Variants in EGFLAM observed in about 807,000 individuals in gnomAD.
The protein encoded by EGFLAM is EGF like, fibronectin type III and laminin G domains, also known as pikachurin.
A neutral mutation model predicts 113.1 loss-of-function variants in EGFLAM; 79 were observed. The observed-to-expected ratio is 0.70, with a 90% CI of 0.58 to 0.84. The LOEUF is 0.84. Among genes scored for constraint, EGFLAM ranks in the 40% least tolerant of loss-of-function variants. The pLI is 0.00. For synonymous variants in EGFLAM, 504 were observed against 487.6 expected, an observed-to-expected ratio of 1.03 and a Z score of -0.44; for missense variants, 1,265 against 1,291.6, an observed-to-expected ratio of 0.98 and a Z score of 0.32.
chr5:38,356,279 A>C (rs1441230327), intron 5 of EGFLAM, among the ~76,000 whole-genome samples: 1 of 152,196 alleles, frequency 6.6e-6, no homozygotes, highest in Non-Finnish European at 1.5e-5. Flanking sequence ...CTTCCAGAAT[A>C]TGTGACTTCA....
chr5:38,374,435 G>A (rs1579837181), intron 6 of EGFLAM, among the ~76,000 whole-genome samples: 1 of 152,208 alleles, frequency 6.6e-6, no homozygotes, highest in African/African-American at 2.4e-5. Flanking sequence ...GACTCCTAGG[G>A]GGTCGAAGTG....
At position 38,258,564 on chromosome 5, in the gene EGFLAM, C is replaced by A. The variant is rs534124185; in HGVS notation, c.-191C>A. On this transcript the variant is annotated 5_prime_UTR_variant, in exon 1 of 22. Transcript: ENST00000322350. ...TGCAGCTTGCAGCCGGCTTCACTCG[C>A]GCACGCCGACCTCCCGGCTGCAGTC... 1.6e-6 allele frequency: 1 copy of A among 628,780 alleles called. No individual in the cohort carries two copies. Among genetic ancestry groups the A allele is most frequent in the Non-Finnish European group, 2.8e-6 (1 of 358,508 alleles). The allele number at this position is 628,780 out of a possible 1,614,324, so 39.0% of individuals were successfully genotyped here. A position where few individuals can be genotyped will look rare whatever the true frequency, so the allele number is the denominator to read the frequency against.
intron 3 of EGFLAM, among the ~76,000 whole-genome samples, chr5:38,340,175 T>C (rs1190186740): frequency 6.6e-6 from 1 of 152,200 alleles, no homozygotes; most frequent in Non-Finnish European, 1.5e-5. Flanking sequence ...CACTGCTGTA[T>C]ATACCTAAAC....
chr5:38,462,842 A>G, intron 20 of EGFLAM, 66 bp from the exon 21 acceptor site: 1 of 1,538,112 alleles, frequency 6.5e-7, no homozygotes, highest in South Asian at 1.1e-5. Context: ...ATTGAAATGA[A>G]TGAATGATTG....
intron 6 of EGFLAM, chr5:38,403,996 T>C (rs1741198693): frequency 1.2e-6 from 2 of 1,600,762 alleles, no homozygotes; most frequent in East Asian, 4.5e-5. Flanking sequence ...GCCTCCCCTT[T>C]GTTATCCCAC....
chr5:38,410,774 G>A (rs891107256), intron 10 of EGFLAM, among the ~76,000 whole-genome samples: 16 of 152,272 alleles, frequency 1.1e-4, no homozygotes, highest in South Asian at 2.1e-4. Context: ...TGTGGACCTC[G>A]CCTGTATTGA....
intron 1 of EGFLAM, among the ~76,000 whole-genome samples, chr5:38,313,987 A>T (rs561952098): frequency 6.6e-5 from 10 of 152,334 alleles, no homozygotes; most frequent in African/African-American, 2.4e-4. Flanking sequence ...GAAACGTTTT[A>T]AAAAAATGTG....
intron 1 of EGFLAM, among the ~76,000 whole-genome samples, chr5:38,273,473 C>G (rs1470359118): frequency 1.3e-5 from 2 of 152,216 alleles, no homozygotes; most frequent in East Asian, 3.8e-4. Flanking sequence ...TGGGCATGCC[C>G]CAGTGCTGTA....
chr5:38,406,097 T>G (rs752482058), intron 6 of EGFLAM, 29 bp from the exon 7 acceptor site: 55 of 1,576,558 alleles, frequency 3.5e-5, no homozygotes, highest in Non-Finnish European at 4.5e-5. Flanking sequence ...CCTGTGCTGA[T>G]GAAGGGTGTG....
rs201460423 is a variant in EGFLAM at position 38,376,323 on chromosome 5, G to A, written c.712+5861G>A. 2.8e-4 allele frequency among the ~76,000 whole-genome samples: 43 copies of A among 152,218 alleles called. No homozygotes were observed. The East Asian group carries it at 3.9e-3, about 14-fold the overall frequency. Reference sequence around the variant, plus strand: ...TGCCTTTCTTCTTTTTTCCAAAAACGGGAATTTAATTAAAAATAAGTTACA... The same window carrying A: ...TGCCTTTCTTCTTTTTTCCAAAAACAGGAATTTAATTAAAAATAAGTTACA... On this transcript the variant is annotated intron_variant, in intron 6 of 21. Coordinates refer to ENST00000322350, the MANE Select transcript of EGFLAM (RefSeq NM_152403.4).
At chr5:38,397,438 C>A (rs1324546791) in intron 6 of EGFLAM, among the ~76,000 whole-genome samples, 1 of 152,142 alleles carries the variant, frequency 6.6e-6, no homozygotes. Flanking sequence ...TACTCAGTTG[C>A]AATTTTTTTT....
At chr5:38,438,181 A>G (rs1742412288) in intron 16 of EGFLAM, 94 bp from the exon 17 acceptor site, 1 of 1,363,330 alleles carries the variant, frequency 7.3e-7, no homozygotes, top group Non-Finnish European at 9.8e-7. Context: ...CAATCTCCCT[A>G]TGTGTAGCTC....
At chr5:38,371,557 TC>T (rs1447607667) in intron 6 of EGFLAM, among the ~76,000 whole-genome samples, 1 of 152,040 alleles carries the variant, frequency 6.6e-6, no homozygotes, top group Non-Finnish European at 1.5e-5. Flanking sequence ...TCGCCTTTTG[TC>T]AAATTAAATT....
intron 10 of EGFLAM, among the ~76,000 whole-genome samples, chr5:38,409,460 G>C (rs1271140422): frequency 6.6e-6 from 1 of 151,752 alleles, no homozygotes; most frequent in Admixed American, 6.6e-5. Flanking sequence ...CCTGGCTCTG[G>C]AGGTGCTGTT....
chr5:38,322,850 C>A (rs911708245), intron 1 of EGFLAM, among the ~76,000 whole-genome samples: 2 of 152,156 alleles, frequency 1.3e-5, no homozygotes, highest in African/African-American at 4.8e-5. Context: ...ACTCTTCCTG[C>A]TGCTCCTTAG....
chr5:38,425,488 A>G (rs1741973748), intron 13 of EGFLAM, among the ~76,000 whole-genome samples: 1 of 152,150 alleles, frequency 6.6e-6, no homozygotes, highest in South Asian at 2.1e-4. Flanking sequence ...CTTTTAACAA[A>G]TCTAACAAAG....
At chr5:38,274,568 GA>G (rs139985912) in intron 1 of EGFLAM, among the ~76,000 whole-genome samples, 5 of 151,954 alleles carry the variant, frequency 3.3e-5, no homozygotes, top group African/African-American at 1.2e-4. Flanking sequence ...TTTTGAAGGA[GA>G]AAAAACTGCC....
intron 1 of EGFLAM, among the ~76,000 whole-genome samples, chr5:38,308,227 A>C (rs16903930): frequency 0.093 from 14,234 of 152,314 alleles, 725 homozygotes; most frequent in South Asian, 0.14. Flanking sequence ...AGTTCTTGTT[A>C]ACATTTTAAA....
chr5:38,459,732 C>CT (rs1434424162), intron 20 of EGFLAM, among the ~76,000 whole-genome samples: 5 of 149,302 alleles, frequency 3.3e-5, no homozygotes, highest in Non-Finnish European at 7.5e-5. Flanking sequence ...TGGGGAGAGA[C>CT]TTGCTGGGCC....
Sources: allele counts gnomAD v4.1 joint callset (sites outside exome capture counted in the v4.1 genomes callset), GRCh38; gene constraint gnomAD v4.1.1; transcripts MANE v1.5; gene names NCBI Gene and HGNC (gene_info 2026-07-23, HGNC 2026-07-21).